Variants in TBC1D1 observed in about 807,000 individuals in gnomAD.
The protein encoded by TBC1D1 is TBC1 domain family member 1.
TBC1D1 carries 89 observed loss-of-function variants against 125.6 expected under a neutral mutation model. That is an observed-to-expected ratio of 0.71 (90% confidence interval 0.60 to 0.85). The LOEUF is 0.85. TBC1D1 is among the 40% of genes least tolerant of loss of function. TBC1D1 has a pLI of 0.00. For missense variants in TBC1D1, 1,377 were observed against 1,469.2 expected, an observed-to-expected ratio of 0.94 and a Z score of 1.03; for synonymous variants, 565 against 564.1, an observed-to-expected ratio of 1.00 and a Z score of -0.02.
At chr4:38,089,388 G>A (rs943306826) in intron 12 of TBC1D1, among the ~76,000 whole-genome samples, 2 of 152,214 alleles carry the variant, frequency 1.3e-5, no homozygotes, top group African/African-American at 4.8e-5. Flanking sequence ...TGGCCAGATA[G>A]CACAGTGGTT....
At chr4:37,936,498 A>C (rs1024516371) in intron 2 of TBC1D1, among the ~76,000 whole-genome samples, 1 of 152,200 alleles carries the variant, frequency 6.6e-6, no homozygotes, top group Non-Finnish European at 1.5e-5. Flanking sequence ...CTCCTAGCAG[A>C]GTGCCTGGAA....
intron 11 of TBC1D1, among the ~76,000 whole-genome samples, chr4:38,053,449 A>T (rs1048547451): frequency 6.6e-6 from 1 of 152,244 alleles, no homozygotes; most frequent in Non-Finnish European, 1.5e-5. Context: ...TGTTATCTTA[A>T]GAAAAGTCTT....
At chr4:38,078,038 TAA>T (rs1454276346) in intron 12 of TBC1D1, among the ~76,000 whole-genome samples, 2 of 152,144 alleles carry the variant, frequency 1.3e-5, no homozygotes, top group African/African-American at 2.4e-5. Context: ...GGCTTAAAGT[TAA>T]AGAACAGCAA....
chr4:37,892,599 TA>T (rs977828420), intron 1 of TBC1D1, among the ~76,000 whole-genome samples: 1 of 152,034 alleles, frequency 6.6e-6, no homozygotes, highest in African/African-American at 2.4e-5. Flanking sequence ...ACCAGGAGAA[TA>T]GGAAAAAAAA....
Position 37,995,930 on chromosome 4 carries a change from G to T in TBC1D1, c.418-18579G>T. 1.7e-6 allele frequency: 1 copy of T among 579,566 alleles called. No homozygotes were observed. 35.9% of individuals were successfully genotyped at this position (579,566 alleles called of 1,614,324 possible). A position where few individuals can be genotyped will look rare whatever the true frequency, so the allele number is the denominator to read the frequency against. On this transcript the variant is annotated intron_variant, in intron 2 of 19. Coordinates refer to ENST00000261439, the MANE Select transcript of TBC1D1 (RefSeq NM_015173.4). The surrounding 1 kb of genome is among the most constrained non-coding windows in gnomAD (Gnocchi z 4.3). ...GCGACAGGACCTTCTCATTCCCAGG[G>T]AGAAATCCACACTCAAGGACTTCTT...
chr4:38,093,526 C>T (rs926832917), intron 13 of TBC1D1, among the ~76,000 whole-genome samples: 2 of 149,596 alleles, frequency 1.3e-5, no homozygotes, highest in South Asian at 2.1e-4. Context: ...TTTTCCCCCC[C>T]CTTTTTTTTT....
intron 15 of TBC1D1, among the ~76,000 whole-genome samples, chr4:38,107,694 A>G (rs1761576458): frequency 6.8e-6 from 1 of 148,110 alleles, no homozygotes; most frequent in Non-Finnish European, 1.5e-5. Context: ...CCTTTGTCAA[A>G]TTTCATCTTT....
intron 2 of TBC1D1, among the ~76,000 whole-genome samples, chr4:37,910,191 A>G (rs1718289322): frequency 6.6e-6 from 1 of 152,178 alleles, no homozygotes; most frequent in African/African-American, 2.4e-5. Flanking sequence ...TATTTTTTAA[A>G]ATAAATCCAT....
chr4:38,045,647 TAA>T (rs1195172288), intron 9 of TBC1D1, among the ~76,000 whole-genome samples, 168 bp from the exon 10 acceptor site: 3 of 152,232 alleles, frequency 2.0e-5, no homozygotes, highest in African/African-American at 7.2e-5. Flanking sequence ...ATTTATTTTT[TAA>T]AAAAATGATG....
intron 7 of TBC1D1, chr4:38,030,425 A>G (rs1171056285): frequency 6.6e-6 from 1 of 152,264 alleles, no homozygotes; most frequent in Non-Finnish European, 1.5e-5. Flanking sequence ...ACCAACTTTG[A>G]AAAGCCGGCT....
chr4:37,919,571 T>G (rs574879345), intron 2 of TBC1D1, among the ~76,000 whole-genome samples: 1 of 152,114 alleles, frequency 6.6e-6, no homozygotes, highest in South Asian at 2.1e-4. Flanking sequence ...GACTCATATG[T>G]GATCACTGGT....
At chr4:37,927,664 A>T (rs1722400927) in intron 2 of TBC1D1, among the ~76,000 whole-genome samples, 1 of 152,232 alleles carries the variant, frequency 6.6e-6, no homozygotes, top group Non-Finnish European at 1.5e-5. Context: ...ATTTTATGGA[A>T]ATATGTGATG....
Position 38,089,329 on chromosome 4 carries a change from A to G in TBC1D1, c.2051-603A>G, listed in dbSNP as rs573263513. Among the ~76,000 whole-genome samples, 4 of 152,336 alleles carry G rather than the reference A, an allele frequency of 2.6e-5. No homozygotes were observed. The East Asian group carries it at 7.7e-4, about 29-fold the overall frequency. ...CGTGGTAGAAGGTCTGCTAGTGGTT[A>G]CTGTTACTGCTGGCTATTAAATACA... On this transcript the variant is annotated intron_variant, in intron 12 of 19. Coordinates refer to ENST00000261439, the MANE Select transcript of TBC1D1 (RefSeq NM_015173.4).
intron 2 of TBC1D1, among the ~76,000 whole-genome samples, chr4:37,945,080 A>C (rs1249409528): frequency 6.6e-6 from 1 of 152,186 alleles, no homozygotes; most frequent in Non-Finnish European, 1.5e-5. Flanking sequence ...ATGACAAACC[A>C]TAAGGCACAG....
intron 14 of TBC1D1, among the ~76,000 whole-genome samples, chr4:38,102,014 G>C (rs1760428680): frequency 6.8e-6 from 1 of 146,762 alleles, no homozygotes; most frequent in Non-Finnish European, 1.5e-5. Flanking sequence ...AACATCGCAT[G>C]TTCTCACTCA....
At chr4:38,068,555 T>G (rs1754140429) in intron 12 of TBC1D1, among the ~76,000 whole-genome samples, 1 of 152,212 alleles carries the variant, frequency 6.6e-6, no homozygotes, top group Non-Finnish European at 1.5e-5. Flanking sequence ...TATGCCCCGA[T>G]GGAGAGCGTC....
At chr4:37,951,621 G>T (rs1727891493) in intron 2 of TBC1D1, among the ~76,000 whole-genome samples, 1 of 152,182 alleles carries the variant, frequency 6.6e-6, no homozygotes, top group South Asian at 2.1e-4. Flanking sequence ...AGCAGGGGAA[G>T]GAACCTTGTG....
intron 6 of TBC1D1, among the ~76,000 whole-genome samples, chr4:38,025,999 G>A (rs1019696190): frequency 3.3e-5 from 5 of 152,036 alleles, no homozygotes; most frequent in Admixed American, 6.6e-5. Context: ...TTTGGTTGCC[G>A]GAGGCAACTT....
chr4:37,977,357 C>A lies in TBC1D1; in HGVS notation c.418-37152C>A. 1 of 201,190 alleles carries A rather than the reference C, an allele frequency of 5.0e-6. No individual in the cohort carries two copies. The highest frequency in any genetic ancestry group is 8.6e-6 in the Non-Finnish European group (1 of 116,140). The allele number at this position is 201,190 out of a possible 1,614,324, so 12.5% of individuals were successfully genotyped here. ...GGGCAGTGACGAACTGGGTGGAGCC[C>A]GCCGCCGCCGCCGCCGCCGCCGGGG... On this transcript the variant is annotated intron_variant, in intron 2 of 19. Coordinates refer to ENST00000261439, the MANE Select transcript of TBC1D1 (RefSeq NM_015173.4). The surrounding 1 kb of genome is among the most constrained non-coding windows in gnomAD (Gnocchi z 4.3).
Sources: gnomAD v4.1 joint callset for allele counts (sites outside exome capture counted in the v4.1 genomes callset) on GRCh38, gnomAD v4.1.1 for gene constraint, Gnocchi (gnomAD v3.1) non-coding constraint, MANE v1.5 for transcripts, NCBI Gene and HGNC (gene_info 2026-07-23, HGNC 2026-07-21) for gene names.